The following ASB16 variants were observed in gnomAD, a reference collection of about 807,000 sequenced individuals.
The protein encoded by ASB16 is ankyrin repeat and SOCS box protein 16.
A neutral mutation model predicts 39.1 loss-of-function variants in ASB16; 44 were observed. That is an observed-to-expected ratio of 1.13 (90% CI 0.88 to 1.45). The LOEUF (loss-of-function observed/expected upper bound fraction) is 1.45. Ranked by LOEUF, ASB16 falls within the 40% of genes most tolerant of loss-of-function variation. ASB16 has a pLI of 0.00. For missense variants in ASB16, 698 were observed against 634.5 expected (o/e 1.10, Z -1.07); for synonymous variants, 305 against 286.7 (o/e 1.06, Z -0.64).
intron 2 of ASB16, chr17:44,176,403 G>T: frequency 5.1e-6 from 2 of 391,482 alleles, no homozygotes; most frequent in Non-Finnish European, 9.4e-6. Flanking sequence ...GAATGATTCA[G>T]AACCAGACCT....
chr17:44,175,506 G>A (rs1482054543), intron 2 of ASB16, among the ~76,000 whole-genome samples: 1 of 151,942 alleles, frequency 6.6e-6, no homozygotes, highest in Non-Finnish European at 1.5e-5. Context: ...TGGAAGACTG[G>A]CTGCTACTCA....
chr17:44,174,188 C>T lies in ASB16; in HGVS notation c.569+1875C>T, dbSNP rs190354263. Among the ~76,000 whole-genome samples the T allele has an allele frequency of 7.6e-3, 1,153 of 151,970 alleles. 6 individuals are homozygous for T. Among genetic ancestry groups the T allele is most frequent in the Non-Finnish European group, 0.012 (796 of 67,948 alleles). ...CCGAGTAACTGGGACTACAGGCTCC[C>T]GCCAACACGCCCGGCTAATTTTTTT... On this transcript the variant is annotated intron_variant, in intron 2 of 4. Coordinates refer to ENST00000293414, the MANE Select transcript of ASB16 (RefSeq NM_080863.5).
At chr17:44,176,565 C>T (rs1042132058) in intron 2 of ASB16, 173 bp from the exon 3 acceptor site, 1 of 928,696 alleles carries the variant, frequency 1.1e-6, no homozygotes, top group Non-Finnish European at 1.7e-6. Context: ...CTTCTGGTAG[C>T]TCTCAGGACC....
intron 2 of ASB16, among the ~76,000 whole-genome samples, chr17:44,172,886 G>A (rs919175918): frequency 1.3e-5 from 2 of 149,948 alleles, no homozygotes; most frequent in African/African-American, 4.9e-5. Context: ...CAAAGTGCTG[G>A]GATTACAGGC....
At position 44,178,694 on chromosome 17, in the gene ASB16, A is replaced by G; in HGVS notation, c.*304A>G. The G allele has an allele frequency of 2.6e-6, 1 of 388,600 alleles. No homozygotes were observed. The highest frequency in any genetic ancestry group is 4.7e-6 in the Non-Finnish European group (1 of 210,920). 24.1% of individuals were successfully genotyped at this position (388,600 alleles called of 1,614,324 possible). ...ACCATGTTGGCCAGGCTGGTCTCAC[A>G]CTGACCTCAGGTGATCCACCCGCCT... On this transcript the variant is annotated 3_prime_UTR_variant, in exon 5 of 5. Coordinates refer to ENST00000293414, the MANE Select transcript of ASB16 (RefSeq NM_080863.5).
At chr17:44,176,645 G>C in intron 2 of ASB16, 93 bp from the exon 3 acceptor site, 1 of 1,584,528 alleles carries the variant, frequency 6.3e-7, no homozygotes. Context: ...ACCTCAAGCT[G>C]AGAGGGGTGG....
At chr17:44,172,001 G>A in intron 1 of ASB16, 45 bp from the exon 2 acceptor site, 1 of 1,578,430 alleles carries the variant, frequency 6.3e-7, no homozygotes, top group Non-Finnish European at 8.6e-7. Context: ...TCCCTGCCCT[G>A]CCCTGTCTTA....
At chr17:44,178,037 C>T in intron 4 of ASB16, 168 bp from the exon 5 acceptor site, 1 of 745,974 alleles carries the variant, frequency 1.3e-6, no homozygotes, top group East Asian at 2.7e-5. Context: ...AAGTGGAGCC[C>T]CAGCCCGCAT....
rs748934066 is a variant in ASB16, at chr17:44,178,304, C to T, written c.1276C>T (p.Arg426Cys). 8 of 1,612,372 alleles carry T rather than the reference C, an allele frequency of 5.0e-6. No individual in the cohort carries two copies. Among genetic ancestry groups the T allele is most frequent in the East Asian group, 2.2e-5 (1 of 44,878 alleles). Residue 426 changes from arginine to cysteine, a missense_variant, in exon 5 of 5, where the codon CGC (arginine) becomes TGC (cysteine). Coordinates refer to ENST00000293414, the MANE Select transcript of ASB16 (RefSeq NM_080863.5). Reference sequence around the variant, plus strand: ...AGCTGTGCGCGCTCGGTTGGGAAGCCGCTGCCGGCAGGGTGCCACCCGGCT... The same window carrying T: ...AGCTGTGCGCGCTCGGTTGGGAAGCTGCTGCCGGCAGGGTGCCACCCGGCT... ...RLAVRARLGS[R>C]CRQGATRLPL... is the part of the protein sequence containing the mutation.
At chr17:44,175,995 T>C (rs1020167335) in intron 2 of ASB16, 1 of 152,066 alleles carries the variant, frequency 6.6e-6, no homozygotes, top group African/African-American at 2.4e-5. Flanking sequence ...TGGTGCATAC[T>C]GTTTAATTTT....
chr17:44,172,158 T>C lies in ASB16; in HGVS notation c.414T>C (p.Asp138=), dbSNP rs2054248188. 3 of 1,612,164 alleles carry C rather than the reference T, an allele frequency of 1.9e-6. No individual in the cohort carries two copies. The highest frequency in any genetic ancestry group is 1.3e-5 in the African/African-American group (1 of 74,904). Residue 138 remains aspartate (D), a synonymous_variant, in exon 2 of 5, where the codon GAT becomes GAC. Coordinates refer to ENST00000293414, the MANE Select transcript of ASB16 (RefSeq NM_080863.5). ...RHLIRQGAEL[D]ARVGGRAALH... ...TGATCCGGCAGGGAGCTGAGCTGGA[T>C]GCCCGTGTCGGGGGTCGCGCTGCCT... is the stretch of plus-strand genomic sequence containing the variant.
At position 44,172,248 on chromosome 17, in the gene ASB16, G is replaced by A. The variant is rs766363799; in HGVS notation, c.504G>A (p.Lys168=). 3 of 1,613,876 alleles carry A rather than the reference G, an allele frequency of 1.9e-6. No individual in the cohort carries two copies. In the South Asian group the frequency reaches 3.3e-5, roughly 18 times the overall value. Residue 168 remains lysine, a synonymous_variant, in exon 2 of 5, where the codon AAG becomes AAA. Coordinates refer to ENST00000293414, the MANE Select transcript of ASB16 (RefSeq NM_080863.5). ...CVRLLLTFGA[K]ANVLTEEGTT... ...GGCTGCTGCTGACCTTCGGAGCCAA[G>A]GCTAATGTGCTGACTGAGGAGGGCA...
At chr17:44,178,136 C>T in intron 4 of ASB16, 69 bp from the exon 5 acceptor site, 1 of 1,549,798 alleles carries the variant, frequency 6.5e-7, no homozygotes, top group Non-Finnish European at 8.8e-7. Context: ...AATCCCAGGA[C>T]CCCCACCGCT....
chr17:44,176,338 CAGAG>C (rs1388207996), intron 2 of ASB16: 16 of 258,958 alleles, frequency 6.2e-5, no homozygotes, highest in African/African-American at 4.2e-4. Context: ...GCCTGGGCCA[CAGAG>C]AGAGACCCTG....
intron 4 of ASB16, 138 bp downstream of exon 4, chr17:44,177,860 G>C: frequency 7.8e-7 from 1 of 1,283,880 alleles, no homozygotes; most frequent in Non-Finnish European, 1.1e-6. Context: ...GGGTTTCAGG[G>C]TACCCCCTCC....
At position 44,177,742 on chromosome 17, in the gene ASB16, G is replaced by C; in HGVS notation, c.1176+20G>C. The C allele has an allele frequency of 6.2e-7, 1 of 1,609,556 alleles. No individual in the cohort carries two copies. The highest frequency in any genetic ancestry group is 1.1e-5 in the South Asian group (1 of 90,436). On this transcript the variant is annotated intron_variant, in intron 4 of 4. Transcript: ENST00000293414. Reference sequence around the variant, plus strand: ...TGGAAGGTATGTTTGCCTCAGGGCCGAGATGGGGAGGAGGGACGAGCCACA... The same window carrying C: ...TGGAAGGTATGTTTGCCTCAGGGCCCAGATGGGGAGGAGGGACGAGCCACA...
Position 44,178,656 on chromosome 17 carries a change from G to T in ASB16, c.*266G>T. ...CCTGGCTGATTTTGTATTTTTAGTA[G>T]AGACAGGGTCTCACCATGTTGGCCA... is the stretch of plus-strand genomic sequence containing the variant. On this transcript the variant is annotated 3_prime_UTR_variant, in exon 5 of 5. Coordinates refer to ENST00000293414, the MANE Select transcript of ASB16 (RefSeq NM_080863.5). 2.1e-6 allele frequency: 1 copy of T among 486,254 alleles called. No homozygotes were observed. Among genetic ancestry groups the T allele is most frequent in the Non-Finnish European group, 3.7e-6 (1 of 270,530 alleles). 30.1% of individuals were successfully genotyped at this position (486,254 alleles called of 1,614,324 possible). A position where few individuals can be genotyped will look rare whatever the true frequency, so the allele number is the denominator to read the frequency against.
rs2054250404 is a variant in ASB16 at position 44,172,342 on chromosome 17, G to A, written c.569+29G>A. 4 of 1,574,336 alleles carry A rather than the reference G, an allele frequency of 2.5e-6. No individual in the cohort carries two copies. The East Asian group carries it at 9.5e-5, about 37-fold the overall frequency. On this transcript the variant is annotated intron_variant, in intron 2 of 4. Transcript: ENST00000293414. ...GGTGCCTGGGGGCTGAGACAGTTTG[G>A]GGAGAAATGTGTGTGTGTGTCTCCA...
chr17:44,176,379 G>C (rs1034994342), intron 2 of ASB16: 3 of 274,448 alleles, frequency 1.1e-5, no homozygotes, highest in Admixed American at 5.2e-5. Flanking sequence ...AAAAAAAGGA[G>C]ACAACTGACA....
Sources: allele counts gnomAD v4.1 joint callset (sites outside exome capture counted in the v4.1 genomes callset), GRCh38; gene constraint gnomAD v4.1.1; transcripts MANE v1.5; gene names NCBI Gene and HGNC (gene_info 2026-07-23, HGNC 2026-07-21).